Variants in FCHSD2 observed in about 807,000 individuals in gnomAD.
FCHSD2 encodes FCH and double SH3 domains 2.
A neutral mutation model predicts 108.1 loss-of-function variants in FCHSD2; 38 were observed. The ratio of observed to expected loss-of-function variants is 0.35; its 90% CI spans 0.27 to 0.46. The LOEUF is 0.46. FCHSD2 is among the 20% of genes least tolerant of loss of function. The pLI, the probability that FCHSD2 is intolerant of heterozygous loss-of-function variation, is 1.00. For synonymous variants in FCHSD2, 279 were observed against 314.7 expected, an observed-to-expected ratio of 0.89 and a Z score of 1.20; for missense variants, 751 against 897.8, an observed-to-expected ratio of 0.84 and a Z score of 2.09.
chr11:72,905,245 G>A (rs1211847739), intron 9 of FCHSD2, among the ~76,000 whole-genome samples: 1 of 152,046 alleles, frequency 6.6e-6, no homozygotes, highest in Non-Finnish European at 1.5e-5. Context: ...CCCTGTGCCT[G>A]TGTCCCGCTC....
chr11:73,136,484 T>A (rs551643468), intron 2 of FCHSD2, among the ~76,000 whole-genome samples: 2 of 142,126 alleles, frequency 1.4e-5, no homozygotes, highest in Non-Finnish European at 3.1e-5. Context: ...AGAGGAGAGG[T>A]TGCAGTAAGC....
chr11:72,860,013 T>C (rs976735685), intron 13 of FCHSD2, among the ~76,000 whole-genome samples: 22 of 152,160 alleles, frequency 1.4e-4, no homozygotes, highest in Non-Finnish European at 2.5e-4. Flanking sequence ...GGTTTCAGGA[T>C]GAAACTGTTC....
intron 8 of FCHSD2, among the ~76,000 whole-genome samples, chr11:72,961,161 T>C (rs1856811759): frequency 6.6e-6 from 1 of 151,920 alleles, no homozygotes; most frequent in Non-Finnish European, 1.5e-5. Flanking sequence ...TCCCAATTCT[T>C]AGCTGCTCTA....
intron 2 of FCHSD2, among the ~76,000 whole-genome samples, chr11:73,133,714 A>T (rs958764319): frequency 2.7e-5 from 4 of 149,358 alleles, no homozygotes; most frequent in African/African-American, 4.9e-5. Context: ...AATTGCATGA[A>T]CCCAGGAGGC....
chr11:73,104,269 T>C (rs1860289177), intron 2 of FCHSD2, among the ~76,000 whole-genome samples: 1 of 152,232 alleles, frequency 6.6e-6, no homozygotes. Flanking sequence ...GTACAAACTT[T>C]ACTTATTTAT....
intron 2 of FCHSD2, among the ~76,000 whole-genome samples, chr11:73,120,831 CA>C (rs753347324): frequency 0.014 from 1,707 of 123,818 alleles, 87 homozygotes; most frequent in Admixed American, 0.1. Context: ...GAAGATATAC[CA>C]AAAAAAAAAA....
intron 19 of FCHSD2, 138 bp downstream of exon 19, chr11:72,840,739 C>T (rs1280611928): frequency 6.5e-6 from 4 of 615,180 alleles, no homozygotes; most frequent in Non-Finnish European, 8.7e-6. Context: ...TTCAATAGCT[C>T]TTTTTACCTT....
intron 3 of FCHSD2, among the ~76,000 whole-genome samples, chr11:73,050,398 C>T (rs1858870669): frequency 6.6e-6 from 1 of 152,222 alleles, no homozygotes; most frequent in Non-Finnish European, 1.5e-5. Context: ...ATATCATATG[C>T]AGACATATAT....
In FCHSD2 at chr11:73,015,701, G is replaced by A. The variant is rs565404153; in HGVS notation, c.242+108C>T. On this transcript the variant is annotated intron_variant, in intron 4 of 19. Coordinates refer to ENST00000409418, the MANE Select transcript of FCHSD2 (RefSeq NM_014824.3). Reference sequence around the variant, plus strand: ...TGAAATTATATCCGAAAACACAGCAGAGGAAAGAAGTAATTCTTTTAAAAA... The same window carrying A: ...TGAAATTATATCCGAAAACACAGCAAAGGAAAGAAGTAATTCTTTTAAAAA... 4.3e-5 allele frequency: 25 copies of A among 578,290 alleles called. No homozygotes were observed. The South Asian group carries it at 5.9e-4, about 14-fold the overall frequency. The allele number at this position is 578,290 out of a possible 1,614,324, so 35.8% of individuals were successfully genotyped here.
chr11:72,985,589 C>T (rs1035115113), intron 6 of FCHSD2, among the ~76,000 whole-genome samples: 9 of 152,170 alleles, frequency 5.9e-5, no homozygotes, highest in Admixed American at 5.2e-4. Context: ...GAAGTCCTTA[C>T]TTCTATTATT....
At chr11:73,063,385 G>A (rs899626088) in intron 3 of FCHSD2, among the ~76,000 whole-genome samples, 1 of 152,024 alleles carries the variant, frequency 6.6e-6, no homozygotes, top group Non-Finnish European at 1.5e-5. Context: ...ATCAACTAAT[G>A]GTCAAAACAA....
intron 4 of FCHSD2, among the ~76,000 whole-genome samples, chr11:73,008,593 G>C (rs919947018): frequency 1.3e-5 from 2 of 152,186 alleles, no homozygotes; most frequent in Non-Finnish European, 2.9e-5. Context: ...AAGGATGAAA[G>C]CAGAAATGGC....
In FCHSD2 at chr11:73,142,170, C is replaced by G. The variant is rs1330862683; in HGVS notation, c.-293G>C. On this transcript the variant is annotated 5_prime_UTR_variant, in exon 1 of 20. Coordinates refer to ENST00000409418, the MANE Select transcript of FCHSD2 (RefSeq NM_014824.3). ...CGGAGACGGCGAGGGGGCGGGGGCC[C>G]CAGGAGCAGGGGCGCGAGGGTCTCA... 1 of 234,528 alleles carries G rather than the reference C, an allele frequency of 4.3e-6. No homozygotes were observed. The highest frequency in any genetic ancestry group is 2.3e-5 in the African/African-American group (1 of 43,258). The allele number at this position is 234,528 out of a possible 1,614,324, so 14.5% of individuals were successfully genotyped here.
At chr11:72,853,894 TA>T (rs1489899232) in intron 13 of FCHSD2, among the ~76,000 whole-genome samples, 2 of 152,050 alleles carry the variant, frequency 1.3e-5, no homozygotes, top group East Asian at 3.9e-4. Flanking sequence ...ATAATCCAAT[TA>T]AAAATGGGCA....
intron 5 of FCHSD2, among the ~76,000 whole-genome samples, chr11:72,993,453 T>C (rs905058371): frequency 1.3e-5 from 2 of 152,296 alleles, no homozygotes; most frequent in East Asian, 1.9e-4. Context: ...TAGAGACACA[T>C]GCACACATAT....
chr11:72,841,569 G>C lies in FCHSD2; in HGVS notation c.1941C>G (p.Pro647=), dbSNP rs748188568. The change falls in exon 18 of 20, where the codon CCC becomes CCG. Residue 647 remains proline, a synonymous_variant. Transcript: ENST00000409418. ...GTGGAGGCAGGGAGGCGTGTGGCTT[G>C]GGGGAAGGAGAGATCTGCAGCAAAG... ...WMREIQISPS[P]KPHASLPPLP... The C allele has an allele frequency of 1.5e-5, 24 of 1,605,880 alleles. No individual in the cohort carries two copies. The highest frequency in any genetic ancestry group is 1.4e-5 in the Non-Finnish European group (17 of 1,176,850).
rs780715891 is a variant in FCHSD2 at position 72,843,550 on chromosome 11, C to T, written c.1444-18G>A. ...TGAGAAGCCTGCAGTGTAGGATGGT[C>T]ATGGACAAAATTAAAAAGGTTAGAT... On this transcript the variant is annotated intron_variant, in intron 14 of 19. Transcript: ENST00000409418. The T allele has an allele frequency of 1.9e-6, 3 of 1,595,368 alleles. No homozygotes were observed. The highest frequency in any genetic ancestry group is 2.6e-6 in the Non-Finnish European group (3 of 1,163,204).
At chr11:72,847,198 T>C (rs1304504687) in intron 14 of FCHSD2, among the ~76,000 whole-genome samples, 3 of 152,244 alleles carry the variant, frequency 2.0e-5, no homozygotes, top group African/African-American at 7.2e-5. Flanking sequence ...AGGTTTTTCT[T>C]TGTTGCCCAG....
At chr11:72,889,407 G>GTAA (rs1308535484) in intron 11 of FCHSD2, among the ~76,000 whole-genome samples, 2 of 152,118 alleles carry the variant, frequency 1.3e-5, no homozygotes, top group Non-Finnish European at 2.9e-5. Flanking sequence ...TGCTGATGGA[G>GTAA]GGCTTAAGGA....
Sources: allele counts gnomAD v4.1 joint callset (sites outside exome capture counted in the v4.1 genomes callset), GRCh38; gene constraint gnomAD v4.1.1; transcripts MANE v1.5; gene names NCBI Gene and HGNC (gene_info 2026-07-23, HGNC 2026-07-21).